MYO16: variants seen among roughly 807,000 people sequenced by gnomAD.
The protein encoded by MYO16 is unconventional myosin-XVI.
Under a neutral mutation model 205.3 loss-of-function variants are expected in MYO16, and 94 were observed. The ratio of observed to expected loss-of-function variants is 0.46; its 90% confidence interval spans 0.39 to 0.54. The LOEUF (loss-of-function observed/expected upper bound fraction) is 0.54. Ranked by LOEUF, MYO16 falls within the 20% of genes least tolerant of loss-of-function variation. MYO16 has a pLI of 0.00. For missense variants in MYO16, 2,315 were observed against 2,387.5 expected, an observed-to-expected ratio of 0.97 and a Z score of 0.63; for synonymous variants, 988 against 954.0, an observed-to-expected ratio of 1.04 and a Z score of -0.66.
chr13:108,943,282 C>G (rs890364081), intron 16 of MYO16, among the ~76,000 whole-genome samples: 6 of 152,142 alleles, frequency 3.9e-5, no homozygotes, highest in African/African-American at 1.4e-4. Context: ...TTTACCAGGA[C>G]CACATCCTTA....
chr13:108,846,361 G>C (rs1389192650), intron 10 of MYO16, among the ~76,000 whole-genome samples: 1 of 151,966 alleles, frequency 6.6e-6, no homozygotes, highest in African/African-American at 2.4e-5. Context: ...TTTCCTAATT[G>C]TTTTCATGGG....
intron 8 of MYO16, 98 bp downstream of exon 8, chr13:108,820,510 C>G (rs1424824788): frequency 1.1e-5 from 10 of 934,264 alleles, no homozygotes; most frequent in African/African-American, 9.8e-5. Context: ...AAAGTGAGAG[C>G]TGGACATGCC....
rs767801308 is a variant in MYO16, at chr13:109,141,246, C to G, written c.5034C>G (p.Pro1678=). 1.1e-5 allele frequency: 18 copies of G among 1,606,572 alleles called. No individual in the cohort carries two copies. The highest frequency in any genetic ancestry group is 1.3e-5 in the Non-Finnish European group (15 of 1,176,640). Residue 1678 remains proline (P), a synonymous_variant, in exon 32 of 35, where the codon CCC becomes CCG. Transcript: ENST00000457511. This position sits in a 1 kb window ranked among gnomAD's most constrained non-coding sequence, Gnocchi z 4.1. The part of the protein sequence containing the change: ...DARKAGSSAS[P]PAPYSPPSSR... ...GGAAGGCCGGCTCCAGTGCCTCGCCCCCCGCGCCCTACAGCCCTCCCAGCT... is the reference window on the plus strand; with the variant it reads ...GGAAGGCCGGCTCCAGTGCCTCGCCGCCCGCGCCCTACAGCCCTCCCAGCT...
chr13:108,690,993 G>A (rs915300243), intron 2 of MYO16, among the ~76,000 whole-genome samples: 1 of 152,030 alleles, frequency 6.6e-6, no homozygotes, highest in Non-Finnish European at 1.5e-5. Flanking sequence ...ATTCTCTCCT[G>A]TTTTAAAAAT....
the MYO16 span, among the ~76,000 whole-genome samples, chr13:108,573,093 T>G: frequency 6.6e-6 from 1 of 152,160 alleles, no homozygotes; most frequent in Non-Finnish European, 1.5e-5. Flanking sequence ...GTAACTGGCA[T>G]GCTTTTTGTC....
chr13:109,020,494 G>T (rs1885983940), intron 23 of MYO16, among the ~76,000 whole-genome samples: 1 of 152,094 alleles, frequency 6.6e-6, no homozygotes, highest in Non-Finnish European at 1.5e-5. Flanking sequence ...TAACCTGCCA[G>T]AACTCCCCTG....
chr13:108,918,954 C>CA (rs10585137), intron 16 of MYO16, among the ~76,000 whole-genome samples: 44 of 139,894 alleles, frequency 3.1e-4, no homozygotes, highest in African/African-American at 8.5e-4. Flanking sequence ...GAAAACAGAA[C>CA]AAAAAAAAAA....
At chr13:108,987,464 G>A (rs1884681540) in intron 20 of MYO16, among the ~76,000 whole-genome samples, 1 of 152,206 alleles carries the variant, frequency 6.6e-6, no homozygotes, top group South Asian at 2.1e-4. Context: ...CACCTCCACA[G>A]CGAGGCATCA....
intron 15 of MYO16, among the ~76,000 whole-genome samples, chr13:108,901,266 C>G (rs1880693119): frequency 6.6e-6 from 1 of 152,268 alleles, no homozygotes; most frequent in East Asian, 1.9e-4. Context: ...GACCCACACC[C>G]TATTTGTACA....
intron 23 of MYO16, among the ~76,000 whole-genome samples, chr13:109,022,411 ATT>A (rs1491178523): frequency 1.1e-3 from 127 of 120,450 alleles, no homozygotes; most frequent in African/African-American, 4.1e-3. Flanking sequence ...ATATGTATAT[ATT>A]GTATATACAA....
chr13:108,687,996 A>G (rs1335357763), intron 2 of MYO16, among the ~76,000 whole-genome samples: 1 of 152,182 alleles, frequency 6.6e-6, no homozygotes, highest in Non-Finnish European at 1.5e-5. Context: ...TCACTCAAAG[A>G]AGAGAAAAGC....
At chr13:109,133,241 T>G (rs1462887946) in intron 31 of MYO16, among the ~76,000 whole-genome samples, 1 of 152,204 alleles carries the variant, frequency 6.6e-6, no homozygotes, top group Non-Finnish European at 1.5e-5. Flanking sequence ...TTTTTTGTCC[T>G]AGGTCCTGTG....
intron 32 of MYO16, among the ~76,000 whole-genome samples, chr13:109,145,995 CTTATAAG>C (rs1183089825): frequency 6.6e-6 from 1 of 152,152 alleles, no homozygotes; most frequent in African/African-American, 2.4e-5. Flanking sequence ...GCATCCTTAG[CTTATAAG>C]TTATAAACAG....
At chr13:108,653,670 A>G (rs914250086) in intron 1 of MYO16, among the ~76,000 whole-genome samples, 5 of 151,804 alleles carry the variant, frequency 3.3e-5, no homozygotes, top group African/African-American at 1.2e-4. Flanking sequence ...TCAATCTTTG[A>G]TAACATTTGT....
rs1877017000 is a variant in MYO16 at position 109,140,646 on chromosome 13, G to A, written c.4434G>A (p.Ser1478=). 6.6e-7 allele frequency: 1 copy of A among 1,510,160 alleles called. No individual in the cohort carries two copies. Among genetic ancestry groups the A allele is most frequent in the East Asian group, 2.7e-5 (1 of 36,510 alleles). The allele number at this position is 1,510,160 out of a possible 1,614,324, so 93.5% of individuals were successfully genotyped here. A position where few individuals can be genotyped will look rare whatever the true frequency, so the allele number is the denominator to read the frequency against. ...GAGSFLLHGA[S]PPLLHRAPED... The stretch of plus-strand genomic sequence containing the variant: ...GCTCCTTCCTGCTCCACGGCGCATC[G>A]CCGCCCCTGCTCCACCGCGCGCCGG... Residue 1478 remains serine (S), a synonymous_variant, in exon 32 of 35, where the codon TCG becomes TCA. Transcript: ENST00000457511. The surrounding 1 kb of genome is among the most constrained non-coding windows in gnomAD (Gnocchi z 8.0).
intron 23 of MYO16, among the ~76,000 whole-genome samples, chr13:109,037,043 C>G (rs961668885): frequency 6.6e-6 from 1 of 152,188 alleles, no homozygotes; most frequent in African/African-American, 2.4e-5. Context: ...AGAGAGCAGA[C>G]CTTTGTGTGT....
chr13:108,832,503 T>G (rs1876675575), intron 9 of MYO16, among the ~76,000 whole-genome samples: 1 of 152,002 alleles, frequency 6.6e-6, no homozygotes, highest in African/African-American at 2.4e-5. Flanking sequence ...TTCTCATAAC[T>G]AGAGTGGCCA....
intron 12 of MYO16, among the ~76,000 whole-genome samples, chr13:108,869,675 G>T (rs1246840715): frequency 7.0e-6 from 1 of 142,938 alleles, no homozygotes; most frequent in Non-Finnish European, 1.5e-5. Flanking sequence ...AGGTTGCAGT[G>T]AGCCGAGATC....
chr13:108,894,923 G>A (rs1566396791), intron 14 of MYO16, among the ~76,000 whole-genome samples: 1 of 152,190 alleles, frequency 6.6e-6, no homozygotes, highest in African/African-American at 2.4e-5. Context: ...GAACAGAAAA[G>A]TCATGTTTCA....
Sources: allele counts gnomAD v4.1 joint callset (sites outside exome capture counted in the v4.1 genomes callset), GRCh38; gene constraint gnomAD v4.1.1; non-coding constraint Gnocchi (gnomAD v3.1); transcripts MANE v1.5; gene names NCBI Gene and HGNC (gene_info 2026-07-23, HGNC 2026-07-21).